VARS2: variants seen among roughly 807,000 people sequenced by gnomAD.
VARS2 encodes valine--tRNA ligase, mitochondrial.
VARS2 carries 105 observed loss-of-function variants against 154.1 expected under a neutral mutation model. The ratio of observed to expected loss-of-function variants is 0.68; its 90% confidence interval spans 0.58 to 0.80. The LOEUF is 0.80. VARS2 is among the 30% of genes least tolerant of loss of function. The pLI, the probability that VARS2 is intolerant of heterozygous loss-of-function variation, is 0.00. For synonymous variants in VARS2, 483 were observed against 539.5 expected (o/e 0.90, Z 1.45); for missense variants, 1,157 against 1,361.4 (o/e 0.85, Z 2.36).
At chr6:30,923,069 C>T (rs377649681) in intron 23 of VARS2, 35 bp from the exon 24 acceptor site, 143 of 1,611,318 alleles carry the variant, frequency 8.9e-5, no homozygotes, top group Middle Eastern at 1.6e-4. Context: ...GCTGCTGCCA[C>T]CTACATGCAG....
intron 1 of VARS2, 86 bp downstream of exon 1, chr6:30,914,430 C>T (rs1383795318): frequency 7.9e-7 from 1 of 1,270,718 alleles, no homozygotes; most frequent in Non-Finnish European, 9.9e-7. Context: ...GAAGGCTTGG[C>T]CGCGCCGGGC....
rs770060334 is a variant in VARS2 at position 30,918,934 on chromosome 6, C to T, written c.1074+19C>T. 6 of 1,606,050 alleles carry T rather than the reference C, an allele frequency of 3.7e-6. No homozygotes were observed. In the South Asian group the frequency reaches 6.6e-5, roughly 18 times the overall value. ...ATACACAGTAATACCCAGTGCGCTCCTGCACTCTGGCCCGCCCCGCCAATG... is the reference window on the plus strand; with the variant it reads ...ATACACAGTAATACCCAGTGCGCTCTTGCACTCTGGCCCGCCCCGCCAATG... On this transcript the variant is annotated intron_variant, in intron 11 of 29. Transcript: ENST00000676266.
At chr6:30,915,915 A>G in intron 5 of VARS2, 48 bp downstream of exon 5, 1 of 1,614,066 alleles carries the variant, frequency 6.2e-7, no homozygotes, top group Non-Finnish European at 8.5e-7. Flanking sequence ...GGAAATAGGA[A>G]GGGCAGGAAT....
Position 30,921,685 on chromosome 6 carries a change from G to T in VARS2, c.1729G>T (p.Glu577Ter). ...GAGGCCAGGGGCAGAGCTGACCCTG[G>T]AGAGGGGTGAGTGCCTGAGCTGGGG... is the stretch of plus-strand genomic sequence containing the variant. ...TGRPGAELTL[E>*]RDPDVLDTWF... Residue 577 changes from glutamate to a stop codon, truncating the protein, a stop_gained, in exon 18 of 30, where the codon GAG becomes TAG. Coordinates refer to ENST00000676266, the MANE Select transcript of VARS2 (RefSeq NM_020442.6). LOFTEE classifies it high-confidence loss of function. The surrounding 1 kb of genome is among the most constrained non-coding windows in gnomAD (Gnocchi z 4.6). 1 of 1,603,020 alleles carries T rather than the reference G, an allele frequency of 6.2e-7. No homozygotes were observed.
Position 30,919,182 on chromosome 6 carries a change from G to C in VARS2, c.1074+267G>C, listed in dbSNP as rs949004501. On this transcript the variant is annotated intron_variant, in intron 11 of 29. Coordinates refer to ENST00000676266, the MANE Select transcript of VARS2 (RefSeq NM_020442.6). This position sits in a 1 kb window ranked among gnomAD's most constrained non-coding sequence, Gnocchi z 4.5. ...CACCAAGGCTGGAGGGCAGTGGTGT[G>C]ATCTTGGCTCACTGCAACCTCCACC... 5.1e-5 allele frequency: 19 copies of C among 370,620 alleles called. No homozygotes were observed. Among genetic ancestry groups the C allele is most frequent in the Admixed American group, 1.6e-4 (4 of 24,514 alleles). 23.0% of individuals were successfully genotyped at this position (370,620 alleles called of 1,614,324 possible). A position where few individuals can be genotyped will look rare whatever the true frequency, so the allele number is the denominator to read the frequency against.
chr6:30,925,521 C>G (rs764368073), intron 27 of VARS2, 23 bp from the exon 28 acceptor site: 4 of 1,562,904 alleles, frequency 2.6e-6, no homozygotes, highest in Non-Finnish European at 2.6e-6. Flanking sequence ...AGGCCTTGCC[C>G]CTGACAGTTT....
Position 30,924,497 on chromosome 6 carries a change from C to G in VARS2, c.2610C>G (p.Pro870=), listed in dbSNP as rs745987358. The G allele has an allele frequency of 5.6e-6, 9 of 1,604,240 alleles. No homozygotes were observed. The African/African-American group carries it at 1.1e-4, about 19-fold the overall frequency. ...AAGAGCTCTGGCAGAGGCTGCCCCCCAGGCCTGGTTGCCCCCCTGCCCCCA... is the reference window on the plus strand; with the variant it reads ...AAGAGCTCTGGCAGAGGCTGCCCCCGAGGCCTGGTTGCCCCCCTGCCCCCA... ...LAEELWQRLP[P]RPGCPPAPSI... is the part of the protein sequence containing the mutation. Residue 870 remains proline, a synonymous_variant, in exon 26 of 30, where the codon CCC becomes CCG. Coordinates refer to ENST00000676266, the MANE Select transcript of VARS2 (RefSeq NM_020442.6).
Position 30,922,192 on chromosome 6 carries a change from G to A in VARS2, c.1883G>A (p.Arg628His), listed in dbSNP as rs1440279658. Residue 628 changes from arginine to histidine, a missense_variant, in exon 20 of 30, where the codon CGC becomes CAC. Arg to His is a conservative substitution (Grantham distance 29, BLOSUM62 0). Transcript: ENST00000676266. ...GSDLLLFWVG[R>H]MVMLGTQLTG... is the part of the protein sequence containing the mutation. ...GACCTTCTGCTGTTCTGGGTGGGCC[G>A]CATGGTCATGTTGGGGACCCAGCTC... is the stretch of plus-strand genomic sequence containing the variant. The A allele has an allele frequency of 3.1e-6, 5 of 1,612,660 alleles. No individual in the cohort carries two copies. The highest frequency in any genetic ancestry group is 2.2e-5 in the East Asian group (1 of 44,888).
In VARS2 at chr6:30,916,846, G is replaced by A. The variant is rs1286143356; in HGVS notation, c.672-32G>A. 5 of 1,612,828 alleles carry A rather than the reference G, an allele frequency of 3.1e-6. No homozygotes were observed. In the African/African-American group the frequency reaches 6.7e-5, roughly 22 times the overall value. Reference sequence around the variant, plus strand: ...CTGGTACATAGGAAGTGCTTGGGAAGTGTTTGCTGACAAGGATCTCTCTGG... The same window carrying A: ...CTGGTACATAGGAAGTGCTTGGGAAATGTTTGCTGACAAGGATCTCTCTGG... On this transcript the variant is annotated intron_variant, in intron 7 of 29. Coordinates refer to ENST00000676266, the MANE Select transcript of VARS2 (RefSeq NM_020442.6). This position sits in a 1 kb window ranked among gnomAD's most constrained non-coding sequence, Gnocchi z 4.0.
At chr6:30,915,266 C>T (rs1794081927) in intron 3 of VARS2, 29 bp downstream of exon 3, 5 of 1,612,958 alleles carry the variant, frequency 3.1e-6, no homozygotes, top group Non-Finnish European at 4.2e-6. Flanking sequence ...AAGGCCTTTT[C>T]TTTCACATAT....
rs750956166 is a variant in VARS2, at chr6:30,926,201, G to A, written c.3183G>A (p.Pro1061=). 145 of 1,612,940 alleles carry A rather than the reference G, an allele frequency of 9.0e-5. No homozygotes were observed. Among genetic ancestry groups the A allele is most frequent in the Non-Finnish European group, 1.2e-4 (136 of 1,180,018 alleles). ...LMDEPPAPGS[P]EL ...ATGAGCCTCCAGCCCCAGGGAGCCC[G>A]GAGCTCTAACTCATCATCCCCATCA... Residue 1061 remains proline, a synonymous_variant, in exon 30 of 30, where the codon CCG becomes CCA. Transcript: ENST00000676266.
intron 4 of VARS2, 103 bp from the exon 5 acceptor site, chr6:30,915,643 G>A: frequency 6.4e-7 from 1 of 1,553,764 alleles, no homozygotes; most frequent in Non-Finnish European, 8.7e-7. Flanking sequence ...CTTATTTGCA[G>A]GACAGTTCTT....
rs768038188 is a variant in VARS2 at position 30,925,327 on chromosome 6, C to T, written c.2727C>T (p.Val909=). The T allele has an allele frequency of 6.2e-6, 10 of 1,612,672 alleles. No homozygotes were observed. The highest frequency in any genetic ancestry group is 1.7e-5 in the Admixed American group (1 of 59,978). Residue 909 remains valine (V), a synonymous_variant, in exon 27 of 30, where the codon GTC becomes GTT. Transcript: ENST00000676266. ...GGCGCTTCTCCCGGGTCCAAGAGGTCGTGCAGGTGCTAAGGGCTCTCCGAG... is the reference window on the plus strand; with the variant it reads ...GGCGCTTCTCCCGGGTCCAAGAGGTTGTGCAGGTGCTAAGGGCTCTCCGAG... ...LERRFSRVQE[V]VQVLRALRAT... is the part of the protein sequence containing the mutation.
Position 30,922,175 on chromosome 6 carries a change from G to C in VARS2, c.1866G>C (p.Leu622=), listed in dbSNP as rs1256133843. Residue 622 remains leucine (L), a synonymous_variant, in exon 20 of 30, where the codon CTG becomes CTC. Transcript: ENST00000676266. ...TTTTGGAAACGGGCAGCGACCTTCTGCTGTTCTGGGTGGGCCGCATGGTCA... is the reference window on the plus strand; with the variant it reads ...TTTTGGAAACGGGCAGCGACCTTCTCCTGTTCTGGGTGGGCCGCATGGTCA... ...LSLLETGSDL[L]LFWVGRMVML... 6.2e-7 allele frequency: 1 copy of C among 1,612,848 alleles called. No homozygotes were observed. Among genetic ancestry groups the C allele is most frequent in the Non-Finnish European group, 8.5e-7 (1 of 1,179,946 alleles).
Position 30,921,343 on chromosome 6 carries a change from A to G in VARS2, c.1632+38A>G, listed in dbSNP as rs2532943. Reference sequence around the variant, plus strand: ...AAGCACCCGGAGGGCCGAGTGTGGCACAGAGCACCTAGCCCAGGAGTCAGA... The same window carrying G: ...AAGCACCCGGAGGGCCGAGTGTGGCGCAGAGCACCTAGCCCAGGAGTCAGA... On this transcript the variant is annotated intron_variant, in intron 17 of 29. Coordinates refer to ENST00000676266, the MANE Select transcript of VARS2 (RefSeq NM_020442.6). This position sits in a 1 kb window ranked among gnomAD's most constrained non-coding sequence, Gnocchi z 4.6. 0.33 allele frequency: 538,075 copies of G among 1,611,722 alleles called. 93,459 individuals are homozygous for G. Among genetic ancestry groups the G allele is most frequent in the Non-Finnish European group, 0.36 (422,129 of 1,178,320 alleles).
Position 30,921,759 on chromosome 6 carries a change from A to G in VARS2, c.1735+68A>G. Reference sequence around the variant, plus strand: ...CCTGGGCATCTGGGCCTTTGAGGGGAACAGATCCCAAGATACAGAAGGTAG... The same window carrying G: ...CCTGGGCATCTGGGCCTTTGAGGGGGACAGATCCCAAGATACAGAAGGTAG... On this transcript the variant is annotated intron_variant, in intron 18 of 29. Coordinates refer to ENST00000676266, the MANE Select transcript of VARS2 (RefSeq NM_020442.6). This position sits in a 1 kb window ranked among gnomAD's most constrained non-coding sequence, Gnocchi z 4.6. The G allele has an allele frequency of 6.6e-7, 1 of 1,526,384 alleles. No individual in the cohort carries two copies. The highest frequency in any genetic ancestry group is 8.9e-7 in the Non-Finnish European group (1 of 1,126,826). The allele number at this position is 1,526,384 out of a possible 1,614,324, so 94.6% of individuals were successfully genotyped here. A position where few individuals can be genotyped will look rare whatever the true frequency, so the allele number is the denominator to read the frequency against.
Position 30,917,257 on chromosome 6 carries a change from A to C in VARS2, c.873+33A>C. 1 of 1,613,722 alleles carries C rather than the reference A, an allele frequency of 6.2e-7. No individual in the cohort carries two copies. The highest frequency in any genetic ancestry group is 2.2e-5 in the East Asian group (1 of 44,884). The stretch of plus-strand genomic sequence containing the variant: ...GGAGAGAGGGAAGCAGGTTTGTGAG[A>C]GCTCTGAGGCAGAGTGGTCAATGAT... On this transcript the variant is annotated intron_variant, in intron 9 of 29. Transcript: ENST00000676266. This position sits in a 1 kb window ranked among gnomAD's most constrained non-coding sequence, Gnocchi z 4.4.
intron 19 of VARS2, 48 bp downstream of exon 19, chr6:30,922,043 G>A: frequency 6.2e-7 from 1 of 1,612,702 alleles, no homozygotes; most frequent in Middle Eastern, 1.7e-4. Flanking sequence ...GATAAGGAAG[G>A]GATGGCTGGG....
Position 30,916,476 on chromosome 6 carries a change from G to C in VARS2, c.671+227G>C. ...TTCGTGTGTGTGTGTGTGTGTGTGT[G>C]TATTTATATATATATATATATTTTC... On this transcript the variant is annotated intron_variant, in intron 7 of 29. Coordinates refer to ENST00000676266, the MANE Select transcript of VARS2 (RefSeq NM_020442.6). This position sits in a 1 kb window ranked among gnomAD's most constrained non-coding sequence, Gnocchi z 4.0. 3.1e-6 allele frequency: 1 copy of C among 321,518 alleles called. No individual in the cohort carries two copies. The highest frequency in any genetic ancestry group is 1.3e-4 in the South Asian group (1 of 7,626). The allele number at this position is 321,518 out of a possible 1,614,324, so 19.9% of individuals were successfully genotyped here.
Sources: gnomAD v4.1 joint callset for allele counts on GRCh38, gnomAD v4.1.1 for gene constraint, Gnocchi (gnomAD v3.1) non-coding constraint, MANE v1.5 for transcripts, NCBI Gene and HGNC (gene_info 2026-07-23, HGNC 2026-07-21) for gene names.